The following DLGAP2 variants were observed in gnomAD, a reference collection of about 807,000 sequenced individuals.
DLGAP2 encodes DLG associated protein 2, also known as disks large-associated protein 2.
In DLGAP2, 26 loss-of-function variants were observed where a neutral mutation model predicts 100.3. The ratio of observed to expected loss-of-function variants is 0.26; its 90% CI spans 0.19 to 0.36. The LOEUF (loss-of-function observed/expected upper bound fraction) is 0.36, where lower values mean the gene tolerates loss of function less well. DLGAP2 is among the 10% of genes least tolerant of loss of function. The pLI is 1.00. For synonymous variants in DLGAP2, 886 were observed against 630.1 expected (o/e 1.41, Z -6.08); for missense variants, 1,858 against 1,453.2 (o/e 1.28, Z -4.53).
intron 3 of DLGAP2, among the ~76,000 whole-genome samples, chr8:1,494,165 G>T (rs1339771125): frequency 6.6e-6 from 1 of 152,250 alleles, no homozygotes; most frequent in African/African-American, 2.4e-5. Flanking sequence ...TTTATGAGGT[G>T]ATAATACTAT....
chr8:1,332,373 C>T (rs1801177757), intron 3 of DLGAP2, among the ~76,000 whole-genome samples: 1 of 151,942 alleles, frequency 6.6e-6, no homozygotes. Context: ...GTACACATAT[C>T]TGCACATGTG....
At chr8:916,681 T>A (rs1310841418) in intron 2 of DLGAP2, among the ~76,000 whole-genome samples, 4 of 152,032 alleles carry the variant, frequency 2.6e-5, no homozygotes, top group South Asian at 2.1e-4. Context: ...AAAATAAATT[T>A]AAAAAAAAGA....
chr8:1,702,164 C>G lies in DLGAP2; in HGVS notation c.*758C>G, dbSNP rs1009146684. Reference sequence around the variant, plus strand: ...GTCACGCGCAGAGAGGAGAGTCTTACGGAGGGCTGGGAGCTTAAAAGGAAA... The same window carrying G: ...GTCACGCGCAGAGAGGAGAGTCTTAGGGAGGGCTGGGAGCTTAAAAGGAAA... On this transcript the variant is annotated 3_prime_UTR_variant, in exon 15 of 15. Transcript: ENST00000637795. 3.3e-5 allele frequency: 5 copies of G among 152,128 alleles called. No homozygotes were observed. Among genetic ancestry groups the G allele is most frequent in the African/African-American group, 1.2e-4 (5 of 41,428 alleles). 9.4% of individuals were successfully genotyped at this position (152,128 alleles called of 1,614,324 possible).
In DLGAP2 at chr8:1,453,529, C is replaced by G. The variant is rs1208316328; in HGVS notation, c.107-47837C>G. Among the ~76,000 whole-genome samples the G allele has an allele frequency of 3.3e-5, 5 of 152,044 alleles. No individual in the cohort carries two copies. The South Asian group carries it at 1.0e-3, about 32-fold the overall frequency. ...ATCATTATGTATTCTGAGTGAAACA[C>G]CCAGAATTTAAGTGGATTATTCTTG... On this transcript the variant is annotated intron_variant, in intron 3 of 14. Coordinates refer to ENST00000637795, the MANE Select transcript of DLGAP2 (RefSeq NM_001346810.2).
At chr8:1,630,337 G>A (rs1210600570) in intron 7 of DLGAP2, among the ~76,000 whole-genome samples, 1 of 152,070 alleles carries the variant, frequency 6.6e-6, no homozygotes, top group African/African-American at 2.4e-5. Context: ...GTTGAGGGTG[G>A]GACATCTGGA....
chr8:783,504 C>G (rs1293701007), intron 1 of DLGAP2, among the ~76,000 whole-genome samples: 1 of 152,280 alleles, frequency 6.6e-6, no homozygotes, highest in East Asian at 1.9e-4. Flanking sequence ...GTTTTGTGAC[C>G]TCACCTTAGC....
intron 6 of DLGAP2, among the ~76,000 whole-genome samples, chr8:1,593,717 C>G (rs776059553): frequency 6.6e-6 from 1 of 152,146 alleles, no homozygotes; most frequent in Non-Finnish European, 1.5e-5. Context: ...GGCCTCTGAC[C>G]TGCAAGCATT....
intron 2 of DLGAP2, chr8:1,250,298 G>A (rs1020128998): frequency 3.3e-5 from 5 of 152,290 alleles, no homozygotes; most frequent in African/African-American, 1.2e-4. Flanking sequence ...TGAGCTCACA[G>A]TTTGTCTCCA....
intron 2 of DLGAP2, among the ~76,000 whole-genome samples, chr8:938,118 A>G (rs748949237): frequency 6.6e-6 from 1 of 152,212 alleles, no homozygotes; most frequent in Non-Finnish European, 1.5e-5. Context: ...TCAAACGTGC[A>G]GTGTGAGCTG....
intron 1 of DLGAP2, among the ~76,000 whole-genome samples, chr8:855,328 G>A (rs866709918): frequency 1.4e-4 from 17 of 121,892 alleles, no homozygotes; most frequent in Middle Eastern, 3.5e-3. Context: ...GCTCCCAGCG[G>A]GTGTGTACGG....
chr8:933,226 C>T (rs970642304), intron 2 of DLGAP2, among the ~76,000 whole-genome samples: 2 of 152,268 alleles, frequency 1.3e-5, no homozygotes, highest in Non-Finnish European at 2.9e-5. Flanking sequence ...GCCACATCTG[C>T]TGCTTCCTTG....
rs908985681 is a variant in DLGAP2 at position 902,335 on chromosome 8, G to T, written c.19-5577G>T. ...GTTTTAATTTGTGAGGGGGACACGC[G>T]GTCTTGCATTGGCGGGCGCGGGGGC... On this transcript the variant is annotated intron_variant, in intron 1 of 14. Coordinates refer to ENST00000637795, the MANE Select transcript of DLGAP2 (RefSeq NM_001346810.2). Among the ~76,000 whole-genome samples, 18 of 151,578 alleles carry T rather than the reference G, an allele frequency of 1.2e-4. 1 individual carries two copies. The highest frequency in any genetic ancestry group is 4.4e-4 in the African/African-American group (18 of 41,252).
chr8:1,520,532 C>A (rs946839047), intron 4 of DLGAP2, among the ~76,000 whole-genome samples: 12 of 152,130 alleles, frequency 7.9e-5, no homozygotes, highest in Admixed American at 5.2e-4. Context: ...CTCCCCACTG[C>A]CACCTCACAC....
intron 1 of DLGAP2, among the ~76,000 whole-genome samples, chr8:755,462 GA>G (rs1002949564): frequency 1.1e-4 from 16 of 151,818 alleles, no homozygotes; most frequent in Non-Finnish European, 1.9e-4. Context: ...GTCTCAAAAA[GA>G]AAAAAAATTA....
chr8:814,253 C>G (rs1158707255), intron 1 of DLGAP2, among the ~76,000 whole-genome samples: 1 of 152,158 alleles, frequency 6.6e-6, no homozygotes, highest in East Asian at 1.9e-4. Flanking sequence ...CGACTGGCCC[C>G]AGGTTGTGTA....
intron 3 of DLGAP2, among the ~76,000 whole-genome samples, chr8:1,309,578 C>A (rs1800566037): frequency 6.6e-6 from 1 of 152,082 alleles, no homozygotes; most frequent in African/African-American, 2.4e-5. Context: ...TACAAGAATG[C>A]GAAAGGGAAC....
At chr8:1,010,341 GCA>G (rs1298212924) in intron 2 of DLGAP2, among the ~76,000 whole-genome samples, 3 of 150,064 alleles carry the variant, frequency 2.0e-5, no homozygotes, top group South Asian at 4.2e-4. Context: ...GCCCACATAT[GCA>G]CACACATGCA....
At chr8:1,467,572 C>T (rs1798662601) in intron 3 of DLGAP2, among the ~76,000 whole-genome samples, 1 of 152,096 alleles carries the variant, frequency 6.6e-6, no homozygotes, top group Non-Finnish European at 1.5e-5. Context: ...AGACCACGGG[C>T]ATTTGGTGTG....
intron 2 of DLGAP2, among the ~76,000 whole-genome samples, chr8:925,744 T>C (rs1315610974): frequency 6.6e-6 from 1 of 152,114 alleles, no homozygotes; most frequent in East Asian, 1.9e-4. Context: ...AATTGGCTCA[T>C]GTGGTTATGA....
Sources: gnomAD v4.1 joint callset for allele counts (sites outside exome capture counted in the v4.1 genomes callset) on GRCh38, gnomAD v4.1.1 for gene constraint, MANE v1.5 for transcripts, NCBI Gene and HGNC (gene_info 2026-07-23, HGNC 2026-07-21) for gene names.